OSBPL6: variants seen among roughly 807,000 people sequenced by gnomAD.
OSBPL6 encodes the protein oxysterol-binding protein-related protein 6.
In OSBPL6, 49 loss-of-function variants were observed where a neutral mutation model predicts 125.8. The ratio of observed to expected loss-of-function variants is 0.39; its 90% confidence interval spans 0.31 to 0.49. OSBPL6 has a LOEUF of 0.49. Among genes scored for constraint, OSBPL6 ranks in the 20% least tolerant of loss-of-function variants. OSBPL6 has a pLI of 0.88. For missense variants in OSBPL6, 986 were observed against 1,135.4 expected (o/e 0.87, Z 1.89); for synonymous variants, 394 against 391.8 (o/e 1.01, Z -0.07).
chr2:178,198,617 C>A (rs202109416), intron 1 of OSBPL6, among the ~76,000 whole-genome samples: 1 of 137,346 alleles, frequency 7.3e-6, no homozygotes, highest in Admixed American at 7.5e-5. Flanking sequence ...GACTCCATCT[C>A]ATAAATAAAT....
At chr2:178,375,106 C>T (rs190309683) in intron 15 of OSBPL6, among the ~76,000 whole-genome samples, 5 of 152,266 alleles carry the variant, frequency 3.3e-5, no homozygotes, top group Non-Finnish European at 7.4e-5. Flanking sequence ...GAATAATCAT[C>T]CTTGCTAATT....
intron 18 of OSBPL6, 47 bp downstream of exon 18, chr2:178,384,223 A>G (rs1464158845): frequency 5.7e-6 from 9 of 1,582,330 alleles, no homozygotes; most frequent in Non-Finnish European, 7.8e-6. Flanking sequence ...GTAAGAGGAC[A>G]GTTCGGTGAT....
intron 1 of OSBPL6, among the ~76,000 whole-genome samples, chr2:178,245,463 G>T (rs2091455501): frequency 6.6e-6 from 1 of 152,172 alleles, no homozygotes. Context: ...GACATAGAAA[G>T]AATTCAGCCA....
At position 178,382,412 on chromosome 2, in the gene OSBPL6, T is replaced by G. The variant is rs1433390942; in HGVS notation, c.1534-8T>G. On this transcript the variant is annotated splice_region_variant and splice_polypyrimidine_tract_variant and intron_variant, in intron 15 of 24. Coordinates refer to ENST00000190611, the MANE Select transcript of OSBPL6 (RefSeq NM_032523.4). ...ATTCTGATCCTTGTATGTTCTTCCC[T>G]TCCTTAGGCTTCAGATGATGAGTCT... 6.3e-7 allele frequency: 1 copy of G among 1,589,862 alleles called. No individual in the cohort carries two copies. The highest frequency in any genetic ancestry group is 2.3e-5 in the East Asian group (1 of 44,406).
chr2:178,290,119 T>C (rs1685105537), intron 2 of OSBPL6, among the ~76,000 whole-genome samples: 2 of 152,194 alleles, frequency 1.3e-5, no homozygotes, highest in South Asian at 4.1e-4. Context: ...CATTAGGGGT[T>C]ATAAAAATGG....
Position 178,235,398 on chromosome 2 carries a change from C to CTTTTTTTTTTTTTTTTTT in OSBPL6, c.-351+40733_-351+40750dup, listed in dbSNP as rs540269327. Among the ~76,000 whole-genome samples, 58 of 78,028 alleles carry CTTTTTTTTTTTTTTTTTT rather than the reference C, an allele frequency of 7.4e-4. 3 individuals are homozygous for CTTTTTTTTTTTTTTTTTT. The highest frequency in any genetic ancestry group is 3.2e-3 in the East Asian group (8 of 2,466). The allele number at this position is 78,028 out of a possible 152,430, so 51.2% of individuals were successfully genotyped here. A position where few individuals can be genotyped will look rare whatever the true frequency, so the allele number is the denominator to read the frequency against. On this transcript the variant is annotated intron_variant, in intron 1 of 24. Coordinates refer to ENST00000190611, the MANE Select transcript of OSBPL6 (RefSeq NM_032523.4). The stretch of plus-strand genomic sequence containing the variant: ...CTTTCTTTCCTTTTTCTTTTCTTTT[C>CTTTTTTTTTTTTTTTTTT]TTTTTTTTTTTTTTTTTTTTTTTTT...
At chr2:178,271,216 A>G (rs2154024820) in intron 1 of OSBPL6, among the ~76,000 whole-genome samples, 1 of 152,264 alleles carries the variant, frequency 6.6e-6, no homozygotes, top group Non-Finnish European at 1.5e-5. Context: ...AATTTATTTC[A>G]ATTTTACTGA....
chr2:178,351,042 T>C (rs1255870549), intron 12 of OSBPL6, among the ~76,000 whole-genome samples: 1 of 151,786 alleles, frequency 6.6e-6, no homozygotes, highest in African/African-American at 2.4e-5. Flanking sequence ...ATACTCTTTC[T>C]TGATAAAAAA....
intron 11 of OSBPL6, chr2:178,344,178 C>A: frequency 1.1e-6 from 1 of 924,944 alleles, no homozygotes; most frequent in Non-Finnish European, 1.7e-6. Context: ...AAGTCGACTT[C>A]AGTTAAAAAC....
chr2:178,200,941 C>A (rs544842032), intron 1 of OSBPL6, among the ~76,000 whole-genome samples: 4 of 152,036 alleles, frequency 2.6e-5, no homozygotes, highest in Admixed American at 1.3e-4. Flanking sequence ...ATTACAGGCG[C>A]CCGCCAGCAC....
chr2:178,354,064 C>T (rs1691543302), intron 12 of OSBPL6, among the ~76,000 whole-genome samples: 1 of 152,160 alleles, frequency 6.6e-6, no homozygotes, highest in African/African-American at 2.4e-5. Flanking sequence ...CCAGGCCTGC[C>T]TTACATGAGC....
Position 178,400,971 on chromosome 2 carries a change from A to AT in OSBPL6, c.*5416dup, listed in dbSNP as rs909834385. The AT allele has an allele frequency of 2.4e-4, 37 of 152,200 alleles. No homozygotes were observed. Among genetic ancestry groups the AT allele is most frequent in the Admixed American group, 2.4e-3 (36 of 15,282 alleles). The allele number at this position is 152,200 out of a possible 1,614,324, so 9.4% of individuals were successfully genotyped here. On this transcript the variant is annotated 3_prime_UTR_variant, in exon 25 of 25. Transcript: ENST00000190611. Reference sequence around the variant, plus strand: ...TCTGGTAGCCCGGTACAAATTTTAGATTTTCCCCCAAAAATGAAAAAAAAT... The same window carrying AT: ...TCTGGTAGCCCGGTACAAATTTTAGATTTTTCCCCCAAAAATGAAAAAAAAT...
chr2:178,352,698 C>A (rs1418426458), intron 12 of OSBPL6, among the ~76,000 whole-genome samples: 1 of 152,234 alleles, frequency 6.6e-6, no homozygotes, highest in African/African-American at 2.4e-5. Context: ...CTTCTGCAGA[C>A]TTAAACGTCC....
chr2:178,382,974 G>T (rs747971189), intron 16 of OSBPL6, 50 bp from the exon 17 acceptor site: 2 of 1,587,238 alleles, frequency 1.3e-6, no homozygotes, highest in Middle Eastern at 1.7e-4. Flanking sequence ...TCTTGATTTT[G>T]TGAAATCAGA....
intron 11 of OSBPL6, among the ~76,000 whole-genome samples, chr2:178,345,039 G>A (rs773779762): frequency 5.3e-5 from 8 of 151,934 alleles, no homozygotes; most frequent in Non-Finnish European, 5.9e-5. Context: ...AGAACATATC[G>A]AGGTAGATAA....
intron 1 of OSBPL6, among the ~76,000 whole-genome samples, chr2:178,202,873 A>T (rs1226914290): frequency 1.3e-5 from 2 of 150,688 alleles, no homozygotes; most frequent in Non-Finnish European, 3.0e-5. Flanking sequence ...ATTGGTGTTG[A>T]GTAATTTGAT....
chr2:178,380,456 CAAAA>C (rs60399092), intron 15 of OSBPL6, among the ~76,000 whole-genome samples: 1,285 of 25,658 alleles, frequency 0.05, 5 homozygotes, highest in African/African-American at 0.18. Flanking sequence ...GAGTCTGTCT[CAAAA>C]AAAAAAAAAA....
intron 13 of OSBPL6, among the ~76,000 whole-genome samples, chr2:178,367,223 AC>A (rs1692919245): frequency 6.6e-6 from 1 of 152,228 alleles, no homozygotes; most frequent in South Asian, 2.1e-4. Flanking sequence ...CAAGCTACCA[AC>A]AGTCGGGTAG....
intron 15 of OSBPL6, among the ~76,000 whole-genome samples, chr2:178,378,401 T>C (rs1164946541): frequency 2.0e-5 from 3 of 152,236 alleles, no homozygotes; most frequent in Non-Finnish European, 4.4e-5. Context: ...TTAGCTGTCT[T>C]ACATTAACAT....
Sources: gnomAD v4.1 joint callset for allele counts (sites outside exome capture counted in the v4.1 genomes callset) on GRCh38, gnomAD v4.1.1 for gene constraint, MANE v1.5 for transcripts, NCBI Gene and HGNC (gene_info 2026-07-23, HGNC 2026-07-21) for gene names.